DSCAML1: variants seen among roughly 807,000 people sequenced by gnomAD.
DSCAML1 encodes DS cell adhesion molecule like 1.
A neutral mutation model predicts 200.5 loss-of-function variants in DSCAML1; 38 were observed. The observed-to-expected ratio is 0.19, with a 90% confidence interval of 0.15 to 0.25. The LOEUF (loss-of-function observed/expected upper bound fraction) is 0.25, where lower values mean the gene tolerates loss of function less well. DSCAML1 is among the 10% of genes least tolerant of loss of function. DSCAML1 has a pLI of 1.00. For synonymous variants in DSCAML1, 1,215 were observed against 1,165.0 expected (o/e 1.04, Z -0.87); for missense variants, 2,223 against 2,858.8 (o/e 0.78, Z 5.07).
chr11:117,612,015 G>A (rs1281111858), intron 3 of DSCAML1: 1 of 152,048 alleles, frequency 6.6e-6, no homozygotes, highest in Non-Finnish European at 1.5e-5. Flanking sequence ...GACACACACA[G>A]AGACACACAC....
rs1239524453 is a variant in DSCAML1 at position 117,488,527 on chromosome 11, A to T, written c.2360-6365T>A. On this transcript the variant is annotated intron_variant, in intron 11 of 32. Coordinates refer to ENST00000651296, the MANE Select transcript of DSCAML1 (RefSeq NM_020693.4). ...ACTCACCAGGAGTACAAATCCTGACATGCACAGACACAGACACACACACAC... is the reference window on the plus strand; with the variant it reads ...ACTCACCAGGAGTACAAATCCTGACTTGCACAGACACAGACACACACACAC... Among the ~76,000 whole-genome samples, 5 of 148,470 alleles carry T rather than the reference A, an allele frequency of 3.4e-5. No homozygotes were observed. The East Asian group carries it at 9.9e-4, about 29-fold the overall frequency.
intron 3 of DSCAML1, among the ~76,000 whole-genome samples, chr11:117,590,506 C>G (rs2051238592): frequency 6.6e-6 from 1 of 152,178 alleles, no homozygotes; most frequent in African/African-American, 2.4e-5. Context: ...TTTGTCATTA[C>G]TGACTGCCCC....
intron 3 of DSCAML1, among the ~76,000 whole-genome samples, chr11:117,620,582 T>G (rs980734925): frequency 2.0e-5 from 3 of 152,290 alleles, no homozygotes; most frequent in African/African-American, 7.2e-5. Flanking sequence ...GCCCCCTACT[T>G]TGCTGCACCT....
intron 3 of DSCAML1, among the ~76,000 whole-genome samples, chr11:117,742,156 G>A (rs2054434687): frequency 6.6e-6 from 1 of 152,190 alleles, no homozygotes; most frequent in African/African-American, 2.4e-5. Context: ...TCTCAGGGAT[G>A]CATGGAGGAG....
intron 1 of DSCAML1, among the ~76,000 whole-genome samples, chr11:117,803,161 ACTC>A (rs1019853381): frequency 3.3e-5 from 5 of 151,422 alleles, no homozygotes; most frequent in African/African-American, 1.2e-4. Context: ...TTGCAGGAAC[ACTC>A]CTATCACCGA....
intron 4 of DSCAML1, among the ~76,000 whole-genome samples, chr11:117,527,080 T>C (rs559554633): frequency 3.7e-4 from 56 of 152,282 alleles, no homozygotes; most frequent in African/African-American, 9.6e-4. Flanking sequence ...GGAGGATCAA[T>C]TGAGCCAGAG....
chr11:117,603,846 T>A (rs1414803419), intron 3 of DSCAML1, among the ~76,000 whole-genome samples: 1 of 152,200 alleles, frequency 6.6e-6, no homozygotes, highest in African/African-American at 2.4e-5. Context: ...GAGGGTCAAA[T>A]ACTATCACTA....
intron 3 of DSCAML1, among the ~76,000 whole-genome samples, chr11:117,539,693 A>G (rs893552522): frequency 2.0e-5 from 3 of 151,976 alleles, no homozygotes; most frequent in Admixed American, 6.6e-5. Context: ...GTGAGCATTC[A>G]AAAGTCAAGA....
At position 117,516,595 on chromosome 11, in the gene DSCAML1, A is replaced by T; in HGVS notation, c.1655T>A (p.Val552Glu). 1 of 1,613,848 alleles carries T rather than the reference A, an allele frequency of 6.2e-7. No individual in the cohort carries two copies. The highest frequency in any genetic ancestry group is 1.3e-5 in the African/African-American group (1 of 74,954). The change falls in exon 8 of 33, where the codon GTG (valine) becomes GAG (glutamate). Residue 552 changes from valine to glutamate, a missense_variant. Around this residue, in one of 7 missense-constraint regions of DSCAML1, gnomAD observed 212 missense variants for 368.0 expected, o/e 0.58. Transcript: ENST00000651296. This position sits in a 1 kb window ranked among gnomAD's most constrained non-coding sequence, Gnocchi z 5.7. Reference sequence around the variant, plus strand: ...CTTGAGGGTCCCATTCTCAAACACCACCTGGCGGTGGTTGTCTGGCAGCAG... The same window carrying T: ...CTTGAGGGTCCCATTCTCAAACACCTCCTGGCGGTGGTTGTCTGGCAGCAG... ...ALLLPDNHRQVVFENGTLKLT... is the reference protein window; with the variant it reads ...ALLLPDNHRQEVFENGTLKLT...
rs149666975 is a variant in DSCAML1, at chr11:117,808,214, A to C, written c.-250+9176T>G. ...ATGAGGAAATTGAGGCTTCAGAAAGAGAGTGACTTGCTAAAAATTATGCAG... is the reference window on the plus strand; with the variant it reads ...ATGAGGAAATTGAGGCTTCAGAAAGCGAGTGACTTGCTAAAAATTATGCAG... On this transcript the variant is annotated intron_variant, in intron 1 of 2. Coordinates refer to the DSCAML1 transcript ENST00000525836. Among the ~76,000 whole-genome samples the C allele has an allele frequency of 5.1e-3, 773 of 152,354 alleles. 5 individuals carry two copies. The highest frequency in any genetic ancestry group is 0.017 in the African/African-American group (723 of 41,580).
At chr11:117,432,255 C>A in intron 30 of DSCAML1, 97 bp downstream of exon 30, 1 of 1,352,714 alleles carries the variant, frequency 7.4e-7, no homozygotes, top group Non-Finnish European at 9.9e-7. Flanking sequence ...CCATTAAGCT[C>A]CCTCCTCCCT....
intron 3 of DSCAML1, among the ~76,000 whole-genome samples, chr11:117,612,749 C>T (rs571620753): frequency 6.6e-6 from 1 of 152,168 alleles, no homozygotes; most frequent in East Asian, 1.9e-4. Context: ...GGATGGGCAT[C>T]GTCAAGGGGT....
At chr11:117,721,759 C>A (rs1004239566) in intron 3 of DSCAML1, among the ~76,000 whole-genome samples, 3 of 144,884 alleles carry the variant, frequency 2.1e-5, no homozygotes, top group Admixed American at 6.9e-5. Context: ...ATAAATACAT[C>A]ATATAGAAAA....
At chr11:117,574,572 A>T (rs564719793) in intron 3 of DSCAML1, among the ~76,000 whole-genome samples, 76 of 151,658 alleles carry the variant, frequency 5.0e-4, no homozygotes, top group Non-Finnish European at 8.3e-4. Context: ...GTGACCCTGC[A>T]CTGTCTCTGT....
chr11:117,581,140 G>A lies in DSCAML1; in HGVS notation c.512-48618C>T, dbSNP rs184317095. Among the ~76,000 whole-genome samples, 25 of 152,320 alleles carry A rather than the reference G, an allele frequency of 1.6e-4. No homozygotes were observed. In the East Asian group the frequency reaches 4.2e-3, roughly 26 times the overall value. On this transcript the variant is annotated intron_variant, in intron 3 of 32. Transcript: ENST00000651296. ...GGAGCACTGTGGCCCTTTTGCCCCT[G>A]TGAAAAATTGCCGTGCCTGTGCACT...
At position 117,612,607 on chromosome 11, in the gene DSCAML1, C is replaced by A. The variant is rs184982254; in HGVS notation, c.512-80085G>T. Reference sequence around the variant, plus strand: ...TCAGGAGCAGGTGGGATGGTGATATCCCTGAATCCCACTGCCAGCGCCATG... The same window carrying A: ...TCAGGAGCAGGTGGGATGGTGATATACCTGAATCCCACTGCCAGCGCCATG... On this transcript the variant is annotated intron_variant, in intron 3 of 32. Coordinates refer to ENST00000651296, the MANE Select transcript of DSCAML1 (RefSeq NM_020693.4). Among the ~76,000 whole-genome samples, 23 of 152,228 alleles carry A rather than the reference C, an allele frequency of 1.5e-4. No individual in the cohort carries two copies. In the East Asian group the frequency reaches 4.3e-3, roughly 28 times the overall value.
At chr11:117,572,903 C>CT (rs2050870478) in intron 3 of DSCAML1, among the ~76,000 whole-genome samples, 2 of 152,288 alleles carry the variant, frequency 1.3e-5, no homozygotes, top group African/African-American at 4.8e-5. Flanking sequence ...CAGGCATCGC[C>CT]CGGGGGCAGA....
chr11:117,524,745 C>G (rs1277462500), intron 5 of DSCAML1, 60 bp downstream of exon 5: 1 of 1,530,786 alleles, frequency 6.5e-7, no homozygotes, highest in Admixed American at 2.2e-5. Flanking sequence ...CACTCCTCCC[C>G]CGACCCCTGA....
chr11:117,448,424 C>T (rs553861462), intron 20 of DSCAML1, among the ~76,000 whole-genome samples: 1 of 152,152 alleles, frequency 6.6e-6, no homozygotes, highest in Non-Finnish European at 1.5e-5. Context: ...TGAAAAGATG[C>T]TGCCCCTGTC....
Sources: gnomAD v4.1 joint callset for allele counts (sites outside exome capture counted in the v4.1 genomes callset) on GRCh38, gnomAD v4.1.1 for gene constraint, gnomAD v4.1.1 regional missense constraint, Gnocchi (gnomAD v3.1) non-coding constraint, MANE v1.5 for transcripts, NCBI Gene and HGNC (gene_info 2026-07-23, HGNC 2026-07-21) for gene names.